The following ZDHHC14 variants were observed in gnomAD, a reference collection of about 807,000 sequenced individuals.
ZDHHC14 encodes the protein zDHHC palmitoyltransferase 14.
In ZDHHC14, 16 loss-of-function variants were observed where a neutral mutation model predicts 47.7. The observed-to-expected ratio is 0.34, with a 90% CI of 0.23 to 0.51. The LOEUF is 0.51. Ranked by LOEUF, ZDHHC14 falls within the 20% of genes least tolerant of loss-of-function variation. The pLI, the probability that ZDHHC14 is intolerant of heterozygous loss-of-function variation, is 0.97. For missense variants in ZDHHC14, 515 were observed against 662.5 expected (o/e 0.78, Z 2.44); for synonymous variants, 293 against 278.9 (o/e 1.05, Z -0.50).
At chr6:157,575,320 G>T (rs1783264929) in intron 2 of ZDHHC14, among the ~76,000 whole-genome samples, 1 of 152,208 alleles carries the variant, frequency 6.6e-6, no homozygotes, top group Admixed American at 6.5e-5. Context: ...TAGACTGGTG[G>T]TTGACCGAAC....
chr6:157,485,238 G>C (rs1033133262), intron 1 of ZDHHC14, among the ~76,000 whole-genome samples: 1 of 152,204 alleles, frequency 6.6e-6, no homozygotes, highest in East Asian at 1.9e-4. Context: ...TTTGGGCCTG[G>C]GGGTGCCTGT....
At chr6:157,468,419 G>T (rs4709270) in intron 1 of ZDHHC14, among the ~76,000 whole-genome samples, 36,011 of 152,170 alleles carry the variant, frequency 0.24, 4,638 homozygotes, top group East Asian at 0.42. Context: ...TGCTTACACA[G>T]CACAAGCCTT....
At chr6:157,527,294 C>G (rs1387217972) in intron 1 of ZDHHC14, among the ~76,000 whole-genome samples, 1 of 152,196 alleles carries the variant, frequency 6.6e-6, no homozygotes, top group African/African-American at 2.4e-5. Context: ...TCCCCAGCTC[C>G]TGTTTCTACT....
At chr6:157,551,938 G>A (rs1328596179) in intron 2 of ZDHHC14, among the ~76,000 whole-genome samples, 3 of 152,176 alleles carry the variant, frequency 2.0e-5, no homozygotes, top group Non-Finnish European at 4.4e-5. Context: ...CCCACTGAGT[G>A]CAAAGAGCCA....
chr6:157,506,844 C>G (rs1392353289), intron 1 of ZDHHC14, among the ~76,000 whole-genome samples: 2 of 152,190 alleles, frequency 1.3e-5, no homozygotes, highest in Admixed American at 1.3e-4. Context: ...CCTAAACATC[C>G]ATGTCCTTCA....
chr6:157,593,236 A>T, intron 3 of ZDHHC14, 90 bp downstream of exon 3: 1 of 1,444,808 alleles, frequency 6.9e-7, no homozygotes, highest in Middle Eastern at 2.1e-4. Context: ...AACACTCAGT[A>T]ATGGTTAATA....
intron 1 of ZDHHC14, among the ~76,000 whole-genome samples, chr6:157,442,738 C>T (rs955009954): frequency 6.6e-6 from 1 of 152,226 alleles, no homozygotes; most frequent in Non-Finnish European, 1.5e-5. Flanking sequence ...CAGCAGACGC[C>T]TCCTGAAGAA....
intron 2 of ZDHHC14, among the ~76,000 whole-genome samples, chr6:157,574,393 AGGCTG>A (rs1486670673): frequency 1.3e-5 from 2 of 152,156 alleles, no homozygotes; most frequent in Non-Finnish European, 2.9e-5. Context: ...ACTGCACCCC[AGGCTG>A]GGTGACAGAG....
intron 1 of ZDHHC14, among the ~76,000 whole-genome samples, chr6:157,426,343 A>T (rs551223324): frequency 6.6e-6 from 1 of 152,318 alleles, no homozygotes; most frequent in African/African-American, 2.4e-5. Flanking sequence ...GGGGATTCCA[A>T]GAAGAGAGGC....
At chr6:157,601,179 C>A (rs532683357) in intron 3 of ZDHHC14, among the ~76,000 whole-genome samples, 1 of 152,016 alleles carries the variant, frequency 6.6e-6, no homozygotes, top group Admixed American at 6.5e-5. Context: ...TATTGCTATA[C>A]GATTAAAAAC....
chr6:157,635,527 T>G (rs1229682110), intron 5 of ZDHHC14, among the ~76,000 whole-genome samples: 1 of 152,262 alleles, frequency 6.6e-6, no homozygotes, highest in Non-Finnish European at 1.5e-5. Context: ...GACAATGATA[T>G]GCTGACAAAG....
chr6:157,385,658 G>A (rs1777295583), intron 1 of ZDHHC14, among the ~76,000 whole-genome samples: 1 of 152,208 alleles, frequency 6.6e-6, no homozygotes, highest in African/African-American at 2.4e-5. Flanking sequence ...AGAAAGGCAG[G>A]GTAGAAATGA....
At chr6:157,450,441 G>A (rs575097172) in intron 1 of ZDHHC14, among the ~76,000 whole-genome samples, 5 of 151,496 alleles carry the variant, frequency 3.3e-5, no homozygotes, top group African/African-American at 9.7e-5. Flanking sequence ...CGTGAACCCC[G>A]GGGGTAGAGG....
At position 157,676,791 on chromosome 6, in the gene ZDHHC14, C is replaced by G. The variant is rs1242959577; in HGVS notation, c.*3669C>G. ...CCTGCAGCAAACGCTTCTCTGTAAC[C>G]TGACTTCTCCCTTCAGACCTCAGCC... On this transcript the variant is annotated 3_prime_UTR_variant, in exon 9 of 9. Transcript: ENST00000359775. 1 of 152,316 alleles carries G rather than the reference C, an allele frequency of 6.6e-6. No homozygotes were observed. The highest frequency in any genetic ancestry group is 1.5e-5 in the Non-Finnish European group (1 of 68,114). The allele number at this position is 152,316 out of a possible 1,614,324, so 9.4% of individuals were successfully genotyped here.
At chr6:157,390,072 C>T (rs1488320488) in intron 1 of ZDHHC14, among the ~76,000 whole-genome samples, 1 of 152,018 alleles carries the variant, frequency 6.6e-6, no homozygotes, top group Non-Finnish European at 1.5e-5. Flanking sequence ...ATCAGCATTT[C>T]TTATATGCAA....
At chr6:157,579,816 A>G (rs1308044173) in intron 2 of ZDHHC14, among the ~76,000 whole-genome samples, 1 of 152,140 alleles carries the variant, frequency 6.6e-6, no homozygotes, top group Non-Finnish European at 1.5e-5. Context: ...CCAGATATAG[A>G]ATTATGTCAT....
chr6:157,444,222 C>T (rs1778615440), intron 1 of ZDHHC14, among the ~76,000 whole-genome samples: 1 of 152,216 alleles, frequency 6.6e-6, no homozygotes, highest in Admixed American at 6.5e-5. Context: ...ATGAAGCCTA[C>T]AGTTAGTGAG....
At chr6:157,569,742 C>A (rs549702513) in intron 2 of ZDHHC14, among the ~76,000 whole-genome samples, 2 of 151,940 alleles carry the variant, frequency 1.3e-5, no homozygotes, top group East Asian at 3.9e-4. Flanking sequence ...CCCTTCAAGT[C>A]TCTATATTGT....
chr6:157,653,955 G>A (rs1027439093), intron 8 of ZDHHC14, among the ~76,000 whole-genome samples: 5 of 152,158 alleles, frequency 3.3e-5, no homozygotes, highest in Non-Finnish European at 5.9e-5. Context: ...CCCAGGCAGG[G>A]CTGGGCTCAT....
Sources: allele counts gnomAD v4.1 joint callset (sites outside exome capture counted in the v4.1 genomes callset), GRCh38; gene constraint gnomAD v4.1.1; transcripts MANE v1.5; gene names NCBI Gene and HGNC (gene_info 2026-07-23, HGNC 2026-07-21).